The following CELF4 variants were observed in gnomAD, a reference collection of about 807,000 sequenced individuals.
The protein encoded by CELF4 is CUG-BP- and ETR-3-like factor 4.
CELF4 carries 18 observed loss-of-function variants against 59.9 expected under a neutral mutation model. The observed-to-expected ratio is 0.30, with a 90% CI of 0.21 to 0.45. The LOEUF is 0.45. Among genes scored for constraint, CELF4 ranks in the 20% least tolerant of loss-of-function variants. The pLI is 1.00. For synonymous variants in CELF4, 261 were observed against 267.1 expected, an observed-to-expected ratio of 0.98 and a Z score of 0.22; for missense variants, 456 against 689.0, an observed-to-expected ratio of 0.66 and a Z score of 3.79.
chr18:37,344,419 GA>G (rs1229807228), intron 2 of CELF4, among the ~76,000 whole-genome samples: 2 of 152,252 alleles, frequency 1.3e-5, no homozygotes, highest in African/African-American at 4.8e-5. Flanking sequence ...GGGGTCAGGG[GA>G]GAAAGAAGTA....
chr18:37,268,034 T>G (rs915348338), intron 8 of CELF4, among the ~76,000 whole-genome samples: 2 of 151,958 alleles, frequency 1.3e-5, no homozygotes, highest in Non-Finnish European at 1.5e-5. Context: ...TGAAACTCTG[T>G]CTCAAAAGAA....
Position 37,274,580 on chromosome 18 carries a change from C to T in CELF4, c.658-126G>A, listed in dbSNP as rs1010856535. On this transcript the variant is annotated intron_variant, in intron 5 of 12. Coordinates refer to ENST00000420428, the MANE Select transcript of CELF4 (RefSeq NM_020180.4). ...CTTTGGAGGAGGCGGCATCGGCGCTCGCCCAGGGGAATGAGGTGTGAACCC... is the reference window on the plus strand; with the variant it reads ...CTTTGGAGGAGGCGGCATCGGCGCTTGCCCAGGGGAATGAGGTGTGAACCC... 3.8e-6 allele frequency: 6 copies of T among 1,577,446 alleles called. No individual in the cohort carries two copies. The East Asian group carries it at 6.8e-5, about 18-fold the overall frequency.
chr18:37,408,014 C>A (rs191139346), intron 2 of CELF4, among the ~76,000 whole-genome samples: 2 of 152,064 alleles, frequency 1.3e-5, no homozygotes, highest in African/African-American at 4.8e-5. Context: ...CTGTGTGTAC[C>A]GAAATTTGGC....
intron 9 of CELF4, among the ~76,000 whole-genome samples, chr18:37,265,706 A>G (rs1281956958): frequency 6.6e-6 from 1 of 152,162 alleles, no homozygotes; most frequent in Admixed American, 6.5e-5. Context: ...GTCAGAGCTC[A>G]GGGGACCCAA....
chr18:37,416,200 A>G (rs5004988), intron 2 of CELF4, among the ~76,000 whole-genome samples: 18 of 97,190 alleles, frequency 1.9e-4, no homozygotes, highest in African/African-American at 6.1e-4. Context: ...CCATCCGTCC[A>G]TCCATCCATC....
At chr18:37,341,521 G>A (rs1196369143) in intron 2 of CELF4, among the ~76,000 whole-genome samples, 6 of 152,340 alleles carry the variant, frequency 3.9e-5, no homozygotes, top group South Asian at 4.1e-4. Flanking sequence ...AGTGAGTGGA[G>A]GGCATAAGGG....
At chr18:37,307,689 A>G (rs1018481077) in intron 3 of CELF4, among the ~76,000 whole-genome samples, 1 of 152,080 alleles carries the variant, frequency 6.6e-6, no homozygotes, top group African/African-American at 2.4e-5. Context: ...GATGGGCCTC[A>G]TGGTACAAGC....
At chr18:37,513,450 G>T (rs1041206944) in intron 1 of CELF4, among the ~76,000 whole-genome samples, 45 of 152,160 alleles carry the variant, frequency 3.0e-4, no homozygotes, top group Non-Finnish European at 8.8e-5. Context: ...GTGTGTCCAT[G>T]GATTGGCAGC....
At chr18:37,441,313 A>G (rs1442877276) in intron 2 of CELF4, among the ~76,000 whole-genome samples, 1 of 140,964 alleles carries the variant, frequency 7.1e-6, no homozygotes, top group African/African-American at 2.8e-5. Flanking sequence ...GTGTGTGTAC[A>G]CACACGGGGG....
chr18:37,482,230 A>T (rs1332574278), intron 2 of CELF4, among the ~76,000 whole-genome samples: 1 of 152,130 alleles, frequency 6.6e-6, no homozygotes, highest in Admixed American at 6.5e-5. Flanking sequence ...TTGTTGATGG[A>T]TTGAGAAACT....
At chr18:37,555,000 C>G (rs1290218325) in intron 1 of CELF4, among the ~76,000 whole-genome samples, 1 of 152,180 alleles carries the variant, frequency 6.6e-6, no homozygotes, top group Non-Finnish European at 1.5e-5. Context: ...GGGCAGCACC[C>G]TGAGTCCCTG....
intron 2 of CELF4, among the ~76,000 whole-genome samples, chr18:37,355,410 C>T (rs561104908): frequency 4.6e-5 from 7 of 152,212 alleles, no homozygotes; most frequent in Middle Eastern, 3.4e-3. Context: ...CAGTGGCTAA[C>T]GTCTGTAATC....
At chr18:37,313,965 T>A (rs937801541) in intron 3 of CELF4, among the ~76,000 whole-genome samples, 5 of 152,170 alleles carry the variant, frequency 3.3e-5, no homozygotes, top group African/African-American at 1.2e-4. Flanking sequence ...CTGTGAAGTA[T>A]GCTGGGAGCA....
intron 2 of CELF4, among the ~76,000 whole-genome samples, chr18:37,354,699 G>A (rs954980540): frequency 2.0e-5 from 3 of 152,196 alleles, no homozygotes; most frequent in African/African-American, 7.2e-5. Flanking sequence ...GCACTCTGGG[G>A]TGAGCAGAGG....
intron 3 of CELF4, among the ~76,000 whole-genome samples, chr18:37,292,912 TG>T (rs1375552026): frequency 6.6e-6 from 1 of 152,250 alleles, no homozygotes; most frequent in Non-Finnish European, 1.5e-5. Context: ...ACTGGCAGGC[TG>T]TAATAAAACT....
chr18:37,516,966 T>C (rs908623240), intron 1 of CELF4, among the ~76,000 whole-genome samples: 3 of 152,234 alleles, frequency 2.0e-5, no homozygotes, highest in African/African-American at 7.2e-5. Context: ...CTCTGCAGAC[T>C]GGGAAGCCCT....
At chr18:37,336,776 G>C (rs1371471036) in intron 2 of CELF4, among the ~76,000 whole-genome samples, 1 of 152,186 alleles carries the variant, frequency 6.6e-6, no homozygotes, top group Non-Finnish European at 1.5e-5. Flanking sequence ...CGGTGGATGC[G>C]GCGTCTCTCC....
rs922685387 is a variant in CELF4 at position 37,559,855 on chromosome 18, C to T, written c.286+5501G>A. 6.6e-5 allele frequency among the ~76,000 whole-genome samples: 10 copies of T among 152,320 alleles called. No homozygotes were observed. The East Asian group carries it at 1.9e-3, about 29-fold the overall frequency. On this transcript the variant is annotated intron_variant, in intron 1 of 12. Transcript: ENST00000420428. ...AAGTTGCTGGAGTGTGGCAAGATCA[C>T]TGGGCAGTGGGAATGCCCTGGGACA...
chr18:37,308,316 A>C (rs772622564), intron 3 of CELF4, among the ~76,000 whole-genome samples: 7 of 152,044 alleles, frequency 4.6e-5, no homozygotes, highest in Admixed American at 6.5e-5. Flanking sequence ...TTCTCTGGCC[A>C]ACTGGTTTCC....
Sources: allele counts gnomAD v4.1 joint callset (sites outside exome capture counted in the v4.1 genomes callset), GRCh38; gene constraint gnomAD v4.1.1; transcripts MANE v1.5; gene names NCBI Gene and HGNC (gene_info 2026-07-23, HGNC 2026-07-21).